The following SHANK1 variants were observed in gnomAD, a reference collection of about 807,000 sequenced individuals.
The protein encoded by SHANK1 is SH3 and multiple ankyrin repeat domains 1, also known as SH3 and multiple ankyrin repeat domains protein 1.
Under a neutral mutation model 165.6 loss-of-function variants are expected in SHANK1, and 35 were observed. The ratio of observed to expected loss-of-function variants is 0.21; its 90% CI spans 0.16 to 0.28. The LOEUF (loss-of-function observed/expected upper bound fraction) is 0.28. Ranked by LOEUF, SHANK1 falls within the 10% of genes least tolerant of loss-of-function variation. SHANK1 has a pLI of 1.00. For missense variants in SHANK1, 2,681 were observed against 3,036.4 expected (o/e 0.88, Z 2.75); for synonymous variants, 1,428 against 1,384.8 (o/e 1.03, Z -0.69).
chr19:50,718,418 G>C lies in SHANK1; in HGVS notation c.-44+988C>G, dbSNP rs1250852674. On this transcript the variant is annotated intron_variant, in intron 1 of 23. Coordinates refer to ENST00000293441, the MANE Select transcript of SHANK1 (RefSeq NM_016148.5). This position sits in a 1 kb window ranked among gnomAD's most constrained non-coding sequence, Gnocchi z 5.1. ...CCCCCAGCCTCAACCCCGCTCGGAG[G>C]GGGTGGCCGGTGGGATGAAAGAAAA... Among the ~76,000 whole-genome samples the C allele has an allele frequency of 1.3e-5, 2 of 152,154 alleles. No homozygotes were observed. Among genetic ancestry groups the C allele is most frequent in the Non-Finnish European group, 2.9e-5 (2 of 68,006 alleles).
intron 19 of SHANK1, among the ~76,000 whole-genome samples, 167 bp downstream of exon 19, chr19:50,687,415 C>T (rs1343986480): frequency 6.6e-6 from 1 of 152,062 alleles, no homozygotes; most frequent in Non-Finnish European, 1.5e-5. Context: ...CTCAGACACC[C>T]CTTCCCAGAG....
Position 50,668,032 on chromosome 19 carries a change from A to T in SHANK1, c.3928T>A (p.Tyr1310Asn). 1 of 1,476,226 alleles carries T rather than the reference A, an allele frequency of 6.8e-7. No individual in the cohort carries two copies. Among genetic ancestry groups the T allele is most frequent in the Admixed American group, 2.3e-5 (1 of 43,112 alleles). 91.4% of individuals were successfully genotyped at this position (1,476,226 alleles called of 1,614,324 possible). Residue 1310 changes from tyrosine to asparagine, a missense_variant, in exon 23 of 24, where the codon TAC becomes AAC. Around this residue, in one of 10 missense-constraint regions of SHANK1, gnomAD observed 1,713 missense variants for 1,630.2 expected, o/e 1.05. Coordinates refer to ENST00000293441, the MANE Select transcript of SHANK1 (RefSeq NM_016148.5). ...CGGCTACCGGCCCCGTAGCCGCCGT[A>T]GCCCGCGCCGCTGCCCGCAGACTCC... ...RLESAGSGAG[Y>N]GGYGAGSRAY... is the part of the protein sequence containing the mutation.
rs1986415435 is a variant in SHANK1 at position 50,688,010 on chromosome 19, T to C, written c.2221A>G (p.Met741Val). Residue 741 changes from methionine (M) to valine (V), a missense_variant, in exon 18 of 24, where the codon ATG (methionine) becomes GTG (valine). This residue lies in a region of SHANK1 where 147 missense variants were observed against 256.5 expected (regional missense o/e 0.57). Coordinates refer to ENST00000293441, the MANE Select transcript of SHANK1 (RefSeq NM_016148.5). This position sits in a 1 kb window ranked among gnomAD's most constrained non-coding sequence, Gnocchi z 6.7. ...VKVGHRQVVNMIRQGGNTLMV... is the reference protein window; with the variant it reads ...VKVGHRQVVNVIRQGGNTLMV... The stretch of plus-strand genomic sequence containing the variant: ...AGCGTGTTGCCCCCTTGGCGGATCA[T>C]GTTCACCACCTGTCGGTGGCCGACC... 5.0e-6 allele frequency: 8 copies of C among 1,614,166 alleles called. No homozygotes were observed. The highest frequency in any genetic ancestry group is 6.8e-6 in the Non-Finnish European group (8 of 1,180,004).
intron 8 of SHANK1, among the ~76,000 whole-genome samples, chr19:50,710,619 C>G (rs747161198): frequency 2.0e-5 from 3 of 152,200 alleles, no homozygotes; most frequent in Non-Finnish European, 4.4e-5. Context: ...CGTACCTCTC[C>G]TCTCCTAGGA....
Position 50,713,064 on chromosome 19 carries a change from C to T in SHANK1, c.792+734G>A, listed in dbSNP as rs1396583693. 6.6e-6 allele frequency among the ~76,000 whole-genome samples: 1 copy of T among 151,956 alleles called. No homozygotes were observed. Among genetic ancestry groups the T allele is most frequent in the Admixed American group, 6.6e-5 (1 of 15,244 alleles). The stretch of plus-strand genomic sequence containing the variant: ...GATCTTTGTGGCTGGCATCTGACTG[C>T]ATTAGGGGCTCTTCAGGAAAGCATC... On this transcript the variant is annotated intron_variant, in intron 6 of 23. Coordinates refer to ENST00000293441, the MANE Select transcript of SHANK1 (RefSeq NM_016148.5). This position sits in a 1 kb window ranked among gnomAD's most constrained non-coding sequence, Gnocchi z 6.2.
intron 8 of SHANK1, 86 bp downstream of exon 8, chr19:50,711,285 C>A: frequency 1.3e-6 from 1 of 781,518 alleles, no homozygotes; most frequent in Non-Finnish European, 2.2e-6. Flanking sequence ...TGCAGAGATG[C>A]AGTCAAGAGG....
At position 50,670,887 on chromosome 19, in the gene SHANK1, G is replaced by C. The variant is rs1417975344; in HGVS notation, c.2674+1131C>G. On this transcript the variant is annotated intron_variant, in intron 22 of 23. Coordinates refer to ENST00000293441, the MANE Select transcript of SHANK1 (RefSeq NM_016148.5). The surrounding 1 kb of genome is among the most constrained non-coding windows in gnomAD (Gnocchi z 4.1). ...TTGCTCACTGCAACCTCTGCCTCTC[G>C]GGTTCAAGCTATTCTCCTGCCTCAG... is the stretch of plus-strand genomic sequence containing the variant. Among the ~76,000 whole-genome samples, 2 of 151,722 alleles carry C rather than the reference G, an allele frequency of 1.3e-5. No individual in the cohort carries two copies. Among genetic ancestry groups the C allele is most frequent in the Non-Finnish European group, 2.9e-5 (2 of 67,968 alleles).
Position 50,681,275 on chromosome 19 carries a change from T to C in SHANK1, c.2577+4962A>G, listed in dbSNP as rs549315673. 1.1e-3 allele frequency among the ~76,000 whole-genome samples: 163 copies of C among 152,074 alleles called. 1 individual carries two copies. The highest frequency in any genetic ancestry group is 2.2e-3 in the Admixed American group (33 of 15,270). On this transcript the variant is annotated intron_variant, in intron 21 of 23. Coordinates refer to ENST00000293441, the MANE Select transcript of SHANK1 (RefSeq NM_016148.5). ...GAGCCTCCGACATGAGAGGGGGACC[T>C]GGAGAAGGCCCAGGGACAGATCCAA...
chr19:50,688,782 A>C lies in SHANK1; in HGVS notation c.2172+62T>G. Reference sequence around the variant, plus strand: ...ACTGGGCAGCCAGATCCTGGTGTGAATCATGAGGGGGTCTGGGAACTTGTC... The same window carrying C: ...ACTGGGCAGCCAGATCCTGGTGTGACTCATGAGGGGGTCTGGGAACTTGTC... On this transcript the variant is annotated intron_variant, in intron 17 of 23. Coordinates refer to ENST00000293441, the MANE Select transcript of SHANK1 (RefSeq NM_016148.5). The surrounding 1 kb of genome is among the most constrained non-coding windows in gnomAD (Gnocchi z 6.7). 1 of 1,546,236 alleles carries C rather than the reference A, an allele frequency of 6.5e-7. No homozygotes were observed. The highest frequency in any genetic ancestry group is 1.8e-5 in the Admixed American group (1 of 54,126).
Position 50,703,496 on chromosome 19 carries a change from C to T in SHANK1, c.1553+4G>A, listed in dbSNP as rs1253458053. ...GACTGTGGAGCCAGGGCTGCCTCCC[C>T]TACCTGGGCCGGCCTCGGGGCTGCC... On this transcript the variant is annotated splice_donor_region_variant and intron_variant, in intron 11 of 23. Transcript: ENST00000293441. The T allele has an allele frequency of 2.0e-6, 3 of 1,536,832 alleles. No individual in the cohort carries two copies. Among genetic ancestry groups the T allele is most frequent in the African/African-American group, 1.4e-5 (1 of 73,096 alleles).
rs774544169 is a variant in SHANK1, at chr19:50,702,920, T to C, written c.1554-260A>G. Reference sequence around the variant, plus strand: ...CCTGCGCGCACCGCCTGATTCAGCTTCCTGAGGCTGAGCTGGGACTGTGTC... The same window carrying C: ...CCTGCGCGCACCGCCTGATTCAGCTCCCTGAGGCTGAGCTGGGACTGTGTC... On this transcript the variant is annotated intron_variant, in intron 11 of 23. Transcript: ENST00000293441. This position sits in a 1 kb window ranked among gnomAD's most constrained non-coding sequence, Gnocchi z 5.3. 2.2e-4 allele frequency among the ~76,000 whole-genome samples: 33 copies of C among 152,032 alleles called. No homozygotes were observed. Among genetic ancestry groups the C allele is most frequent in the Non-Finnish European group, 4.1e-4 (28 of 67,980 alleles).
chr19:50,710,970 C>G (rs2089001224), intron 8 of SHANK1: 1 of 172,004 alleles, frequency 5.8e-6, no homozygotes, highest in African/African-American at 2.4e-5. Context: ...GCACCTCCTC[C>G]AGGAAGCCAC....
At chr19:50,681,538 T>C (rs1986180070) in intron 21 of SHANK1, among the ~76,000 whole-genome samples, 1 of 152,160 alleles carries the variant, frequency 6.6e-6, no homozygotes, top group Admixed American at 6.5e-5. Flanking sequence ...TTGACTGTCC[T>C]GTAACTGGGT....
chr19:50,718,852 G>A lies in SHANK1; in HGVS notation c.-44+554C>T, dbSNP rs1314286367. 6.6e-6 allele frequency among the ~76,000 whole-genome samples: 1 copy of A among 151,166 alleles called. No individual in the cohort carries two copies. Among genetic ancestry groups the A allele is most frequent in the East Asian group, 2.0e-4 (1 of 5,100 alleles). On this transcript the variant is annotated intron_variant, in intron 1 of 23. Transcript: ENST00000293441. The surrounding 1 kb of genome is among the most constrained non-coding windows in gnomAD (Gnocchi z 5.1). ...GGAGCAGGAGTCGGGGGCGGGAGCC[G>A]AGGGGGCGCGCCGGCCGGCGGTGTA...
At chr19:50,682,346 G>A (rs1444562882) in intron 21 of SHANK1, among the ~76,000 whole-genome samples, 2 of 152,158 alleles carry the variant, frequency 1.3e-5, no homozygotes, top group Non-Finnish European at 1.5e-5. Context: ...GTGCCACTGC[G>A]CCCGGCCCAG....
intron 21 of SHANK1, among the ~76,000 whole-genome samples, chr19:50,685,115 C>T (rs894016504): frequency 3.9e-5 from 6 of 152,190 alleles, no homozygotes; most frequent in Admixed American, 1.3e-4. Flanking sequence ...AAGAAGGAAG[C>T]GGGAAGGGAG....
At chr19:50,695,216 CGGG>C (rs1986696576) in intron 15 of SHANK1, among the ~76,000 whole-genome samples, 1 of 134,714 alleles carries the variant, frequency 7.4e-6, no homozygotes, top group East Asian at 2.3e-4. Flanking sequence ...CCCCCTCCCG[CGGG>C]AGGGAGGGCA....
intron 15 of SHANK1, among the ~76,000 whole-genome samples, chr19:50,695,648 G>T (rs1599860904): frequency 6.6e-6 from 1 of 152,194 alleles, no homozygotes; most frequent in Non-Finnish European, 1.5e-5. Context: ...ACGGAGCCCC[G>T]CTTCCCCGGC....
At position 50,660,142 on chromosome 19, in the gene SHANK1, C is replaced by T. The variant is rs1243880474; in HGVS notation, c.*1823G>A. On this transcript the variant is annotated 3_prime_UTR_variant, in exon 24 of 24. Transcript: ENST00000293441. ...ATGGGGGGGGGACCTGAGGGCAACG[C>T]CCTCCCCCCTTTACCCACAGCAGGG... Among the ~76,000 whole-genome samples, 2 of 151,282 alleles carry T rather than the reference C, an allele frequency of 1.3e-5. No individual in the cohort carries two copies. The highest frequency in any genetic ancestry group is 3.0e-5 in the Non-Finnish European group (2 of 67,730).
Sources: allele counts gnomAD v4.1 joint callset (sites outside exome capture counted in the v4.1 genomes callset), GRCh38; gene constraint gnomAD v4.1.1; regional missense constraint gnomAD v4.1.1; non-coding constraint Gnocchi (gnomAD v3.1); transcripts MANE v1.5; gene names NCBI Gene and HGNC (gene_info 2026-07-23, HGNC 2026-07-21).